The following ASTN1 variants were observed in gnomAD, a reference collection of about 807,000 sequenced individuals.
The protein encoded by ASTN1 is astrotactin-1.
ASTN1 carries 41 observed loss-of-function variants against 140.7 expected under a neutral mutation model. That is an observed-to-expected ratio of 0.29 (90% CI 0.23 to 0.38). ASTN1 has a LOEUF of 0.38. Ranked by LOEUF, ASTN1 falls within the 10% of genes least tolerant of loss-of-function variation. The pLI, the probability that ASTN1 is intolerant of heterozygous loss-of-function variation, is 1.00. For missense variants in ASTN1, 1,479 were observed against 1,678.8 expected (o/e 0.88, Z 2.08); for synonymous variants, 640 against 652.2 (o/e 0.98, Z 0.29).
At chr1:177,058,190 G>A (rs111575393) in intron 2 of ASTN1, among the ~76,000 whole-genome samples, 2 of 152,122 alleles carry the variant, frequency 1.3e-5, no homozygotes, top group Non-Finnish European at 2.9e-5. Flanking sequence ...GGAAAGGAGC[G>A]GGTAGGGAGG....
intron 5 of ASTN1, among the ~76,000 whole-genome samples, chr1:177,027,256 G>A (rs1435209526): frequency 6.6e-6 from 1 of 152,122 alleles, no homozygotes; most frequent in Non-Finnish European, 1.5e-5. Flanking sequence ...ATTCCTTGGT[G>A]TTCTAGCCCT....
At chr1:176,954,615 A>G (rs1189531156) in intron 11 of ASTN1, among the ~76,000 whole-genome samples, 1 of 152,204 alleles carries the variant, frequency 6.6e-6, no homozygotes, top group African/African-American at 2.4e-5. Context: ...GAAAGACCCT[A>G]TAGGGCTCAC....
chr1:177,034,968 C>G (rs1284295664), intron 2 of ASTN1, among the ~76,000 whole-genome samples: 1 of 152,160 alleles, frequency 6.6e-6, no homozygotes, highest in Non-Finnish European at 1.5e-5. Flanking sequence ...CACTGTTCCT[C>G]TCTAATTCTC....
Position 176,945,818 on chromosome 1 carries a change from TATC to T in ASTN1, c.2249+105_2249+107del, listed in dbSNP as rs150395245. The stretch of plus-strand genomic sequence containing the variant: ...AGAATGTAGTCTATCCCTTTAGACA[TATC>T]ATATTTACCCTGCTCCAACATATAA... On this transcript the variant is annotated intron_variant, in intron 13 of 22. Coordinates refer to ENST00000361833, the MANE Select transcript of ASTN1 (RefSeq NM_004319.3). 4.1e-3 allele frequency: 4,578 copies of T among 1,119,526 alleles called. 97 individuals are homozygous for T. The African/African-American group carries it at 0.051, about 13-fold the overall frequency. The allele number at this position is 1,119,526 out of a possible 1,614,324, so 69.3% of individuals were successfully genotyped here. A position where few individuals can be genotyped will look rare whatever the true frequency, so the allele number is the denominator to read the frequency against.
intron 8 of ASTN1, among the ~76,000 whole-genome samples, chr1:177,000,937 G>A (rs751108883): frequency 6.6e-6 from 1 of 152,172 alleles, no homozygotes; most frequent in Non-Finnish European, 1.5e-5. Context: ...TATGTGTCTA[G>A]AATTGTCAGC....
chr1:176,940,707 C>T (rs1671678151), intron 14 of ASTN1, among the ~76,000 whole-genome samples: 1 of 152,116 alleles, frequency 6.6e-6, no homozygotes, highest in African/African-American at 2.4e-5. Flanking sequence ...ACATATAACA[C>T]CAAAAAGTCC....
At position 177,164,377 on chromosome 1, in the gene ASTN1, C is replaced by T. The variant is rs368920614; in HGVS notation, c.283+17G>A. The stretch of plus-strand genomic sequence containing the variant: ...GGTCCAGCGCCTCCGGCCGCCTCGA[C>T]CTCCCCCGGGACTCACCCAGCACGA... On this transcript the variant is annotated intron_variant, in intron 1 of 22. Transcript: ENST00000361833. The T allele has an allele frequency of 3.2e-6, 5 of 1,553,600 alleles. No homozygotes were observed. The highest frequency in any genetic ancestry group is 2.6e-6 in the Non-Finnish European group (3 of 1,148,814).
At chr1:176,858,320 T>C (rs555616290), downstream of ASTN1, among the ~76,000 whole-genome samples, 1 of 152,314 alleles carries the variant, frequency 6.6e-6, no homozygotes, top group Admixed American at 6.5e-5. Context: ...AATGTTGAGG[T>C]TTCATTTGAA....
intron 2 of ASTN1, among the ~76,000 whole-genome samples, chr1:177,046,275 G>T (rs1677218178): frequency 6.6e-6 from 1 of 152,212 alleles, no homozygotes; most frequent in East Asian, 1.9e-4. Flanking sequence ...GAGTGAGAAT[G>T]ACCTTATTAT....
At chr1:176,881,467 T>G (rs1053990513) in intron 20 of ASTN1, among the ~76,000 whole-genome samples, 2 of 152,212 alleles carry the variant, frequency 1.3e-5, no homozygotes, top group African/African-American at 2.4e-5. Context: ...TAGTCACAAC[T>G]GAAGGACTAC....
chr1:176,866,124 C>T (rs1347481197), intron 22 of ASTN1, among the ~76,000 whole-genome samples: 2 of 152,138 alleles, frequency 1.3e-5, no homozygotes, highest in African/African-American at 4.8e-5. Flanking sequence ...TAGCCACATT[C>T]CTTTCATTTC....
At chr1:177,110,357 C>T (rs549762078) in intron 1 of ASTN1, among the ~76,000 whole-genome samples, 3 of 152,130 alleles carry the variant, frequency 2.0e-5, no homozygotes, top group African/African-American at 7.2e-5. Context: ...TTTATTGAAA[C>T]GAGTCATAAG....
Position 176,959,062 on chromosome 1 carries a change from C to T in ASTN1, c.1599-580G>A, listed in dbSNP as rs77330047. On this transcript the variant is annotated intron_variant, in intron 9 of 22. Transcript: ENST00000361833. ...TTTATTCTCTGCACTCCTACCCACA[C>T]CATTGGCTAAAGGTGCTAACCCTTG... Among the ~76,000 whole-genome samples, 1,117 of 152,240 alleles carry T rather than the reference C, an allele frequency of 7.3e-3. 8 individuals are homozygous for T. Among genetic ancestry groups the T allele is most frequent in the African/African-American group, 0.014 (582 of 41,542 alleles).
At chr1:176,894,855 C>T in intron 16 of ASTN1, 25 bp from the exon 17 acceptor site, 1 of 1,611,236 alleles carries the variant, frequency 6.2e-7, no homozygotes, top group Non-Finnish European at 8.5e-7. Flanking sequence ...TGGAAAGAAA[C>T]AGTGAAGGAG....
chr1:177,158,008 T>A (rs1683311163), intron 1 of ASTN1, among the ~76,000 whole-genome samples: 1 of 152,250 alleles, frequency 6.6e-6, no homozygotes, highest in Non-Finnish European at 1.5e-5. Flanking sequence ...AGTCTCCTGA[T>A]AATGATTGCT....
At chr1:177,044,387 G>A (rs1308977725) in intron 2 of ASTN1, among the ~76,000 whole-genome samples, 1 of 151,998 alleles carries the variant, frequency 6.6e-6, no homozygotes, top group African/African-American at 2.4e-5. Context: ...GATTGAGTGG[G>A]GTGCAGGTAA....
At chr1:176,871,194 C>T (rs1246696370) in intron 21 of ASTN1, among the ~76,000 whole-genome samples, 1 of 152,116 alleles carries the variant, frequency 6.6e-6, no homozygotes, top group Non-Finnish European at 1.5e-5. Flanking sequence ...AGTAGCTGTG[C>T]AGGGGGTCTG....
At chr1:176,960,216 T>C (rs981256237) in intron 9 of ASTN1, among the ~76,000 whole-genome samples, 1 of 152,194 alleles carries the variant, frequency 6.6e-6, no homozygotes, top group Non-Finnish European at 1.5e-5. Context: ...ATAATGGACA[T>C]CCTTGAGTTA....
intron 1 of ASTN1, among the ~76,000 whole-genome samples, chr1:177,097,513 TATC>T (rs1227857125): frequency 6.6e-6 from 1 of 152,222 alleles, no homozygotes; most frequent in African/African-American, 2.4e-5. Flanking sequence ...AGTACTACGA[TATC>T]ATGATAAAAT....
Sources: gnomAD v4.1 joint callset for allele counts (sites outside exome capture counted in the v4.1 genomes callset) on GRCh38, gnomAD v4.1.1 for gene constraint, MANE v1.5 for transcripts, NCBI Gene and HGNC (gene_info 2026-07-23, HGNC 2026-07-21) for gene names.